ZNF608: variants seen among roughly 807,000 people sequenced by gnomAD.
ZNF608 encodes the protein renal carcinoma antigen NY-REN-36.
ZNF608 carries 12 observed loss-of-function variants against 109.0 expected under a neutral mutation model. The ratio of observed to expected loss-of-function variants is 0.11; its 90% confidence interval spans 0.07 to 0.18. The LOEUF (loss-of-function observed/expected upper bound fraction) is 0.18, where lower values mean the gene tolerates loss of function less well. Among genes scored for constraint, ZNF608 ranks in the 10% least tolerant of loss-of-function variants. The pLI is 1.00. For missense variants in ZNF608, 1,707 were observed against 1,879.3 expected, an observed-to-expected ratio of 0.91 and a Z score of 1.70; for synonymous variants, 732 against 717.4, an observed-to-expected ratio of 1.02 and a Z score of -0.33.
intron 3 of ZNF608, among the ~76,000 whole-genome samples, chr5:124,700,510 A>C (rs192042772): frequency 2.4e-4 from 37 of 152,344 alleles, no homozygotes; most frequent in Non-Finnish European, 1.6e-4. Flanking sequence ...ACTAGGGCTT[A>C]AGTCTTTGGC....
intron 5 of ZNF608, 138 bp downstream of exon 5, chr5:124,646,541 A>G (rs534441624): frequency 1.1e-5 from 11 of 1,028,380 alleles, no homozygotes; most frequent in Admixed American, 2.7e-5. Flanking sequence ...GAATCTTAAG[A>G]TATTTTTCAA....
At chr5:124,666,300 G>A (rs1751475742) in intron 3 of ZNF608, 1 of 152,256 alleles carries the variant, frequency 6.6e-6, no homozygotes, top group African/African-American at 2.4e-5. Flanking sequence ...GATGTTTCCT[G>A]TTGTGATCCT....
rs971984063 is a variant in ZNF608 at position 124,707,683 on chromosome 5, T to C, written c.907-6414A>G. The C allele has an allele frequency of 3.3e-5, 5 of 152,316 alleles. No homozygotes were observed. In the Middle Eastern group the frequency reaches 0.017, roughly 518 times the overall value. The allele number at this position is 152,316 out of a possible 1,614,324, so 9.4% of individuals were successfully genotyped here. A position where few individuals can be genotyped will look rare whatever the true frequency, so the allele number is the denominator to read the frequency against. ...CTACGTAGGGGAAATCACAGCTCTTTAGAGGCGACCACTGCTGCAGTCTCT... is the reference window on the plus strand; with the variant it reads ...CTACGTAGGGGAAATCACAGCTCTTCAGAGGCGACCACTGCTGCAGTCTCT... On this transcript the variant is annotated intron_variant, in intron 2 of 9. Transcript: ENST00000513986.
chr5:124,713,295 C>A (rs947938456), intron 2 of ZNF608, among the ~76,000 whole-genome samples: 1 of 152,220 alleles, frequency 6.6e-6, no homozygotes, highest in Non-Finnish European at 1.5e-5. Context: ...GCAAGTAACC[C>A]TGCTTAGGGA....
chr5:124,715,367 T>C (rs1038958110), intron 2 of ZNF608, among the ~76,000 whole-genome samples: 3 of 152,232 alleles, frequency 2.0e-5, no homozygotes, highest in African/African-American at 4.8e-5. Flanking sequence ...TTATTATTTA[T>C]TTTTACAAAT....
Position 124,636,946 on chromosome 5 carries a change from G to C in ZNF608, c.*954C>G, listed in dbSNP as rs1750009078. ...AAAAAAAAAAAAACTTTTTAATTCT[G>C]ATTGCCAAATTATTTAAGGCAGGTA... On this transcript the variant is annotated 3_prime_UTR_variant, in exon 10 of 10. Coordinates refer to ENST00000513986, the MANE Select transcript of ZNF608 (RefSeq NM_020747.3). 6.6e-6 allele frequency: 1 copy of C among 151,494 alleles called. No homozygotes were observed. The highest frequency in any genetic ancestry group is 2.4e-5 in the African/African-American group (1 of 41,128). The allele number at this position is 151,494 out of a possible 1,614,324, so 9.4% of individuals were successfully genotyped here.
rs201912469 is a variant in ZNF608 at position 124,745,082 on chromosome 5, G to GA, written c.-94dup. 1.5e-3 allele frequency: 2,072 copies of GA among 1,416,120 alleles called. 16 individuals carry two copies. In the East Asian group the frequency reaches 0.027, roughly 19 times the overall value. The allele number at this position is 1,416,120 out of a possible 1,614,324, so 87.7% of individuals were successfully genotyped here. ...TATCTCCGCTGGGCTTTCTCTCAAA[G>GA]AAAAAAAAAATCTTCTAATCTTCCT... On this transcript the variant is annotated 5_prime_UTR_variant, in exon 2 of 10. Transcript: ENST00000513986.
At chr5:124,711,728 T>C (rs1228774472) in intron 2 of ZNF608, among the ~76,000 whole-genome samples, 1 of 152,018 alleles carries the variant, frequency 6.6e-6, no homozygotes, top group East Asian at 1.9e-4. Flanking sequence ...GAGCTGAAGG[T>C]GGTCAGTTAA....
At chr5:124,736,883 T>TA (rs1471444498) in intron 2 of ZNF608, among the ~76,000 whole-genome samples, 1 of 152,180 alleles carries the variant, frequency 6.6e-6, no homozygotes, top group Non-Finnish European at 1.5e-5. Context: ...ACACTTTTTT[T>TA]AAAAATTCTC....
Position 124,644,289 on chromosome 5 carries a change from G to T in ZNF608, c.4078C>A (p.Pro1360Thr). Residue 1360 changes from proline to threonine, a missense_variant, in exon 6 of 10, where the codon CCT becomes ACT. Physicochemically the swap from Pro to Thr is conservative, Grantham distance 38. Around this residue, in one of 7 missense-constraint regions of ZNF608, gnomAD observed 1,073 missense variants for 1,133.5 expected, o/e 0.95. Coordinates refer to ENST00000513986, the MANE Select transcript of ZNF608 (RefSeq NM_020747.3). Reference sequence around the variant, plus strand: ...ACGGGAGAAACAGCCCGGTATGCAGGATGGCTGGGGTCGTACATCTGTGGG... The same window carrying T: ...ACGGGAGAAACAGCCCGGTATGCAGTATGGCTGGGGTCGTACATCTGTGGG... ...PYPQMYDPSH[P>T]AYRAVSPVLM... The T allele has an allele frequency of 6.2e-7, 1 of 1,613,548 alleles. No homozygotes were observed. Among genetic ancestry groups the T allele is most frequent in the Non-Finnish European group, 8.5e-7 (1 of 1,179,504 alleles).
intron 2 of ZNF608, chr5:124,708,158 TCA>T (rs1753337304): frequency 6.6e-6 from 1 of 152,248 alleles, no homozygotes; most frequent in African/African-American, 2.4e-5. Context: ...ATGGGCTTTC[TCA>T]TAAAAATAGT....
chr5:124,744,566 G>T lies in ZNF608; in HGVS notation c.424C>A (p.Arg142Ser), dbSNP rs149178786. The change falls in exon 2 of 10, where the codon CGC becomes AGC. Residue 142 changes from arginine to serine, a missense_variant. Arg to Ser is a moderately radical substitution (Grantham distance 110). Transcript: ENST00000513986. This position sits in a 1 kb window ranked among gnomAD's most constrained non-coding sequence, Gnocchi z 4.5. Reference sequence around the variant, plus strand: ...TTCATGCCAGTTGCCTCTCCAGGGCGCCCTTGGACTTCCTGCCTCTTGCCA... The same window carrying T: ...TTCATGCCAGTTGCCTCTCCAGGGCTCCCTTGGACTTCCTGCCTCTTGCCA... ...STGKRQEVQG[R>S]PGEATGMNSA... The T allele has an allele frequency of 1.9e-6, 3 of 1,614,124 alleles. No homozygotes were observed. Among genetic ancestry groups the T allele is most frequent in the Admixed American group, 3.3e-5 (2 of 60,004 alleles).
At chr5:124,724,496 C>CAAAAA (rs5871102) in intron 2 of ZNF608, among the ~76,000 whole-genome samples, 2 of 100,064 alleles carry the variant, frequency 2.0e-5, no homozygotes, top group African/African-American at 3.7e-5. Flanking sequence ...GCAAAGAGTG[C>CAAAAA]AAAAAAAAAA....
chr5:124,697,047 G>A (rs1309821841), intron 3 of ZNF608, among the ~76,000 whole-genome samples: 3 of 152,006 alleles, frequency 2.0e-5, no homozygotes, highest in Admixed American at 6.6e-5. Flanking sequence ...GCACAGCACC[G>A]AGAACCCTCT....
chr5:124,710,077 T>C, intron 2 of ZNF608: 1 of 343,838 alleles, frequency 2.9e-6, no homozygotes, highest in Non-Finnish European at 5.7e-6. Context: ...TGCATGTATC[T>C]TAGTTGATAT....
chr5:124,740,875 C>T (rs1237579653), intron 2 of ZNF608, among the ~76,000 whole-genome samples: 3 of 152,138 alleles, frequency 2.0e-5, no homozygotes, highest in African/African-American at 7.2e-5. Flanking sequence ...CAAATAAACC[C>T]ATCAACTTTA....
chr5:124,663,440 C>T (rs1007222812), intron 3 of ZNF608, among the ~76,000 whole-genome samples: 3 of 152,160 alleles, frequency 2.0e-5, no homozygotes, highest in Non-Finnish European at 4.4e-5. Context: ...CCCACAAAAC[C>T]TTGCTGTTCA....
chr5:124,651,774 G>C (rs954421518), intron 3 of ZNF608, among the ~76,000 whole-genome samples: 1 of 152,252 alleles, frequency 6.6e-6, no homozygotes, highest in Non-Finnish European at 1.5e-5. Flanking sequence ...CTGATTGGCT[G>C]GGCCGAGGCG....
At chr5:124,705,570 G>A (rs769105929) in intron 2 of ZNF608, among the ~76,000 whole-genome samples, 4 of 152,082 alleles carry the variant, frequency 2.6e-5, no homozygotes, top group African/African-American at 9.7e-5. Flanking sequence ...ACCTTCCAAA[G>A]CTCCTTTTTA....
Sources: gnomAD v4.1 joint callset for allele counts (sites outside exome capture counted in the v4.1 genomes callset) on GRCh38, gnomAD v4.1.1 for gene constraint, gnomAD v4.1.1 regional missense constraint, Gnocchi (gnomAD v3.1) non-coding constraint, MANE v1.5 for transcripts, NCBI Gene and HGNC (gene_info 2026-07-23, HGNC 2026-07-21) for gene names.